The following GRM7 variants were observed in gnomAD, a reference collection of about 807,000 sequenced individuals.
GRM7 encodes metabotropic glutamate receptor 7.
A neutral mutation model predicts 84.5 loss-of-function variants in GRM7; 35 were observed. That is an observed-to-expected ratio of 0.41 (90% confidence interval 0.32 to 0.55). GRM7 has a LOEUF of 0.55. Ranked by LOEUF, GRM7 falls within the 20% of genes least tolerant of loss-of-function variation. The probability of loss-of-function intolerance (pLI) is 0.19; values close to 1 mark genes in which losing one functional copy is unlikely to be tolerated. For synonymous variants in GRM7, 487 were observed against 455.1 expected (o/e 1.07, Z -0.89); for missense variants, 1,003 against 1,194.6 (o/e 0.84, Z 2.36).
chr3:7,180,967 T>C (rs1361285786), intron 2 of GRM7, among the ~76,000 whole-genome samples: 5 of 152,218 alleles, frequency 3.3e-5, no homozygotes, highest in Non-Finnish European at 5.9e-5. Context: ...TACTTTGGAA[T>C]TGGGTAAAAC....
At chr3:7,616,698 A>G (rs1464520972) in intron 8 of GRM7, among the ~76,000 whole-genome samples, 1 of 152,182 alleles carries the variant, frequency 6.6e-6, no homozygotes, top group African/African-American at 2.4e-5. Context: ...AAAAGTAGGT[A>G]AGATATATAA....
intron 1 of GRM7, among the ~76,000 whole-genome samples, chr3:6,950,548 C>T (rs1457840908): frequency 6.6e-6 from 1 of 152,242 alleles, no homozygotes. Flanking sequence ...AGATCTCCAG[C>T]TGCATGCTGG....
At chr3:7,375,538 C>T (rs2125122895) in intron 4 of GRM7, among the ~76,000 whole-genome samples, 1 of 152,110 alleles carries the variant, frequency 6.6e-6, no homozygotes, top group Non-Finnish European at 1.5e-5. Flanking sequence ...CATATGTTTC[C>T]TTCTCTGAAT....
rs571429232 is a variant in GRM7, at chr3:6,998,319, A to G, written c.519+136412A>G. On this transcript the variant is annotated intron_variant, in intron 1 of 9. Coordinates refer to ENST00000357716, the MANE Select transcript of GRM7 (RefSeq NM_000844.4). Reference sequence around the variant, plus strand: ...AATCTCCTTTAACTTGGTCATGCTGATGCAAGAGGTGGGCTGTCATGACCT... The same window carrying G: ...AATCTCCTTTAACTTGGTCATGCTGGTGCAAGAGGTGGGCTGTCATGACCT... Among the ~76,000 whole-genome samples the G allele has an allele frequency of 6.6e-5, 10 of 152,234 alleles. No homozygotes were observed. In the South Asian group the frequency reaches 2.1e-3, roughly 32 times the overall value.
intron 4 of GRM7, among the ~76,000 whole-genome samples, chr3:7,342,929 A>G (rs984330398): frequency 3.9e-5 from 6 of 152,044 alleles, no homozygotes; most frequent in African/African-American, 1.4e-4. Flanking sequence ...GGTATAGTTA[A>G]CCTCTCTTAG....
intron 2 of GRM7, among the ~76,000 whole-genome samples, chr3:7,171,601 C>T (rs1574988202): frequency 6.6e-6 from 1 of 152,134 alleles, no homozygotes; most frequent in South Asian, 2.1e-4. Context: ...TATCTACCTC[C>T]TCCATTAAAT....
intron 5 of GRM7, chr3:7,451,747 A>G (rs928810467): frequency 6.6e-6 from 1 of 152,202 alleles, no homozygotes; most frequent in Non-Finnish European, 1.5e-5. Context: ...TCCCACATCC[A>G]CAGCTTTCAA....
At chr3:7,394,333 A>G (rs1274009313) in intron 4 of GRM7, among the ~76,000 whole-genome samples, 1 of 152,230 alleles carries the variant, frequency 6.6e-6, no homozygotes, top group Non-Finnish European at 1.5e-5. Context: ...ACTGTAAAAG[A>G]TTGCAGAGAA....
chr3:6,942,815 G>A (rs558840915), intron 1 of GRM7, among the ~76,000 whole-genome samples: 4 of 152,018 alleles, frequency 2.6e-5, no homozygotes, highest in South Asian at 2.1e-4. Flanking sequence ...TTTCCAAAGC[G>A]GTTGTACCAG....
At chr3:7,485,356 T>C (rs903006100) in intron 7 of GRM7, among the ~76,000 whole-genome samples, 1 of 152,082 alleles carries the variant, frequency 6.6e-6, no homozygotes, top group East Asian at 1.9e-4. Context: ...CCTTAAGGAG[T>C]TTCTCAACTC....
intron 4 of GRM7, among the ~76,000 whole-genome samples, chr3:7,374,360 A>T (rs879318051): frequency 1.6e-4 from 24 of 152,014 alleles, no homozygotes; most frequent in Non-Finnish European, 3.2e-4. Context: ...TAATATTTTT[A>T]TTGAGGCCAC....
chr3:7,360,166 T>C (rs1693599922), intron 4 of GRM7, among the ~76,000 whole-genome samples: 1 of 143,238 alleles, frequency 7.0e-6, no homozygotes, highest in South Asian at 2.2e-4. Context: ...TGTGTGTGTG[T>C]GTGTGTGAAA....
chr3:7,270,157 C>T (rs930073187), intron 2 of GRM7, among the ~76,000 whole-genome samples: 38 of 152,176 alleles, frequency 2.5e-4, no homozygotes, highest in Admixed American at 1.4e-3. Flanking sequence ...ACTTTGAGAA[C>T]CAATGCTTTA....
At chr3:7,343,959 C>G (rs755190953) in intron 4 of GRM7, among the ~76,000 whole-genome samples, 1 of 152,168 alleles carries the variant, frequency 6.6e-6, no homozygotes, top group African/African-American at 2.4e-5. Flanking sequence ...GCGGCTAGAG[C>G]TAAAAGGTTG....
intron 5 of GRM7, among the ~76,000 whole-genome samples, chr3:7,423,928 G>C (rs1273036710): frequency 2.6e-5 from 4 of 152,108 alleles, no homozygotes; most frequent in Admixed American, 6.5e-5. Context: ...GGCACTGAAA[G>C]CTGGGTGCTG....
chr3:7,022,950 G>A (rs895983371), intron 1 of GRM7, among the ~76,000 whole-genome samples: 3 of 152,086 alleles, frequency 2.0e-5, no homozygotes, highest in African/African-American at 7.2e-5. Context: ...ATAGAAGGAA[G>A]CTTATATACC....
chr3:7,241,686 G>A (rs1242294393), intron 2 of GRM7, among the ~76,000 whole-genome samples: 5 of 152,092 alleles, frequency 3.3e-5, no homozygotes, highest in African/African-American at 1.2e-4. Flanking sequence ...TTCCAAAGCT[G>A]TTCCAATATT....
chr3:7,406,749 TCACCTAGTGC>T (rs1281026059), intron 4 of GRM7, among the ~76,000 whole-genome samples: 1 of 152,202 alleles, frequency 6.6e-6, no homozygotes, highest in African/African-American at 2.4e-5. Flanking sequence ...ATTTTTAAAA[TCACCTAGTGC>T]TTTAAATGCC....
rs139183375 is a variant in GRM7, at chr3:7,415,120, G to A, written c.1131G>A (p.Thr377=). 5.1e-5 allele frequency: 83 copies of A among 1,612,700 alleles called. No homozygotes were observed. Among genetic ancestry groups the A allele is most frequent in the African/African-American group, 8.0e-5 (6 of 74,844 alleles). The change falls in exon 5 of 10, where the codon ACG becomes ACA. Residue 377 remains threonine, a synonymous_variant. Transcript: ENST00000357716. ...AGGAAAACTTCAACTGCAAGTTGAC[G>A]ATTAGTGGGTCAAAAAAAGAAGACA... The part of the protein sequence containing the change: ...YWEENFNCKL[T]ISGSKKEDTD...
Sources: allele counts gnomAD v4.1 joint callset (sites outside exome capture counted in the v4.1 genomes callset), GRCh38; gene constraint gnomAD v4.1.1; transcripts MANE v1.5; gene names NCBI Gene and HGNC (gene_info 2026-07-23, HGNC 2026-07-21).